LRRC8C: variants seen among roughly 807,000 people sequenced by gnomAD.
The protein encoded by LRRC8C is volume-regulated anion channel subunit LRRC8C.
A neutral mutation model predicts 55.3 loss-of-function variants in LRRC8C; 20 were observed. That is an observed-to-expected ratio of 0.36 (90% CI 0.25 to 0.53). The LOEUF is 0.53. Ranked by LOEUF, LRRC8C falls within the 20% of genes least tolerant of loss-of-function variation. The pLI is 0.92. For synonymous variants in LRRC8C, 376 were observed against 360.7 expected, an observed-to-expected ratio of 1.04 and a Z score of -0.48; for missense variants, 659 against 951.4, an observed-to-expected ratio of 0.69 and a Z score of 4.04.
At chr1:89,619,126 C>T in the LRRC8C span, among the ~76,000 whole-genome samples, 4 of 152,122 alleles carry the variant, frequency 2.6e-5, no homozygotes, top group Non-Finnish European at 5.9e-5. Flanking sequence ...TTCCTGCATG[C>T]GATTTCAGTA....
chr1:89,660,315 A>T (rs1359109846), intron 1 of LRRC8C, among the ~76,000 whole-genome samples: 2 of 152,126 alleles, frequency 1.3e-5, no homozygotes, highest in Non-Finnish European at 2.9e-5. Flanking sequence ...CAGAAGAAAC[A>T]GATGTTTTGG....
chr1:89,630,577 C>G (rs1322164263), upstream of LRRC8C, among the ~76,000 whole-genome samples: 1 of 152,206 alleles, frequency 6.6e-6, no homozygotes, highest in South Asian at 2.1e-4. Flanking sequence ...AGTCTGTGCA[C>G]CCAGTTCATC....
intron 2 of LRRC8C, among the ~76,000 whole-genome samples, chr1:89,707,930 G>C (rs1658529543): frequency 6.6e-6 from 1 of 151,874 alleles, no homozygotes; most frequent in African/African-American, 2.4e-5. Context: ...ATTCTTCTGT[G>C]TCCCTCTCCT....
rs1309085173 is a variant in LRRC8C at position 89,715,945 on chromosome 1, T to A, written c.*963T>A. The A allele has an allele frequency of 2.0e-5, 3 of 152,166 alleles. No individual in the cohort carries two copies. The highest frequency in any genetic ancestry group is 7.2e-5 in the African/African-American group (3 of 41,444). 9.4% of individuals were successfully genotyped at this position (152,166 alleles called of 1,614,324 possible). A position where few individuals can be genotyped will look rare whatever the true frequency, so the allele number is the denominator to read the frequency against. Reference sequence around the variant, plus strand: ...TTTTCTCAGCACAGTGTGGCAGTGGTAATCTATTCAAATTTTGCCTGTTAC... The same window carrying A: ...TTTTCTCAGCACAGTGTGGCAGTGGAAATCTATTCAAATTTTGCCTGTTAC... On this transcript the variant is annotated 3_prime_UTR_variant, in exon 3 of 3. Coordinates refer to ENST00000370454, the MANE Select transcript of LRRC8C (RefSeq NM_032270.5).
chr1:89,695,581 CAGTT>C (rs1382857865), intron 2 of LRRC8C, among the ~76,000 whole-genome samples: 1 of 152,178 alleles, frequency 6.6e-6, no homozygotes, highest in African/African-American at 2.4e-5. Flanking sequence ...ATGATTATAT[CAGTT>C]AGTAGTCACT....
At chr1:89,620,550 G>C in the LRRC8C span, among the ~76,000 whole-genome samples, 1 of 130,322 alleles carries the variant, frequency 7.7e-6, no homozygotes, top group Non-Finnish European at 1.6e-5. Flanking sequence ...TTTGATTAAA[G>C]AACTGCAAAG....
At chr1:89,699,980 G>A (rs1023536306) in intron 2 of LRRC8C, among the ~76,000 whole-genome samples, 3 of 152,152 alleles carry the variant, frequency 2.0e-5, no homozygotes, top group Non-Finnish European at 4.4e-5. Flanking sequence ...AATCTCATGC[G>A]TTTGGACAAC....
rs1410479766 is a variant in LRRC8C, at chr1:89,718,380, C to G, written c.*3398C>G. ...TGTGGAGAGGGTCTTAGACAAAAAT[C>G]TTCCTTGTATTTACTTGGGTTAAGT... On this transcript the variant is annotated 3_prime_UTR_variant, in exon 3 of 3. Transcript: ENST00000370454. 2 of 152,116 alleles carry G rather than the reference C, an allele frequency of 1.3e-5. No individual in the cohort carries two copies. Among genetic ancestry groups the G allele is most frequent in the Non-Finnish European group, 2.9e-5 (2 of 68,002 alleles). The allele number at this position is 152,116 out of a possible 1,614,324, so 9.4% of individuals were successfully genotyped here.
intron 2 of LRRC8C, among the ~76,000 whole-genome samples, chr1:89,707,612 A>G (rs1469294585): frequency 6.6e-6 from 1 of 151,318 alleles, no homozygotes; most frequent in Non-Finnish European, 1.5e-5. Flanking sequence ...TTTCTACAAA[A>G]TGCATTCATA....
rs1557674197 is a variant in LRRC8C at position 89,718,492 on chromosome 1, TC to T, written c.*3515del. On this transcript the variant is annotated 3_prime_UTR_variant, in exon 3 of 3. Coordinates refer to ENST00000370454, the MANE Select transcript of LRRC8C (RefSeq NM_032270.5). ...AATCTTTATATCTCTTATTAACACTTCCCCCAAGAAGGGTTGTGCTGTTATT... is the reference window on the plus strand; with the variant it reads ...AATCTTTATATCTCTTATTAACACTTCCCCAAGAAGGGTTGTGCTGTTATT... 2 of 152,252 alleles carry T rather than the reference TC, an allele frequency of 1.3e-5. No homozygotes were observed. Among genetic ancestry groups the T allele is most frequent in the Admixed American group, 6.5e-5 (1 of 15,286 alleles). The allele number at this position is 152,252 out of a possible 1,614,324, so 9.4% of individuals were successfully genotyped here.
chr1:89,682,967 C>G (rs904011166), intron 1 of LRRC8C, among the ~76,000 whole-genome samples: 4 of 152,104 alleles, frequency 2.6e-5, no homozygotes, highest in Non-Finnish European at 1.5e-5. Flanking sequence ...GCATATATAT[C>G]CTCAAAATGA....
the LRRC8C span, among the ~76,000 whole-genome samples, chr1:89,617,329 G>A: frequency 3.1e-4 from 47 of 152,216 alleles, no homozygotes; most frequent in Non-Finnish European, 2.9e-4. Flanking sequence ...TTAAAACCAC[G>A]GTTCACAATT....
At position 89,645,128 on chromosome 1, in the gene LRRC8C, A is replaced by G. The variant is rs1176544635; in HGVS notation, c.-5+11806A>G. On this transcript the variant is annotated intron_variant, in intron 1 of 2. Transcript: ENST00000370454. Reference sequence around the variant, plus strand: ...AATAATAAATTTTAAAACTGCTATTATAGTATTGTGAAAAGAAAATATAGT... The same window carrying G: ...AATAATAAATTTTAAAACTGCTATTGTAGTATTGTGAAAAGAAAATATAGT... Among the ~76,000 whole-genome samples the G allele has an allele frequency of 3.9e-5, 6 of 152,248 alleles. No individual in the cohort carries two copies. The South Asian group carries it at 8.3e-4, about 21-fold the overall frequency.
At chr1:89,620,902 C>G in the LRRC8C span, among the ~76,000 whole-genome samples, 1 of 152,192 alleles carries the variant, frequency 6.6e-6, no homozygotes, top group Non-Finnish European at 1.5e-5. Flanking sequence ...AAGACCATGA[C>G]GACTCCTCAT....
intron 2 of LRRC8C, among the ~76,000 whole-genome samples, chr1:89,708,340 G>C (rs1658546984): frequency 6.6e-6 from 1 of 152,192 alleles, no homozygotes; most frequent in Non-Finnish European, 1.5e-5. Context: ...TCTTAGTCCT[G>C]TACCAACAGC....
At chr1:89,693,712 C>T (rs939756485) in intron 2 of LRRC8C, among the ~76,000 whole-genome samples, 1 of 120,970 alleles carries the variant, frequency 8.3e-6, no homozygotes, top group Non-Finnish European at 1.6e-5. Context: ...GGCTGGAGTG[C>T]AGAGGCGCGG....
At chr1:89,700,963 C>T (rs1484369942) in intron 2 of LRRC8C, among the ~76,000 whole-genome samples, 2 of 152,188 alleles carry the variant, frequency 1.3e-5, no homozygotes, top group Non-Finnish European at 2.9e-5. Flanking sequence ...TTCTTACTTC[C>T]TCTTCCTATA....
chr1:89,644,331 C>T (rs905376239), intron 1 of LRRC8C, among the ~76,000 whole-genome samples: 6 of 152,184 alleles, frequency 3.9e-5, no homozygotes, highest in Admixed American at 1.3e-4. Context: ...CGTGCCACCG[C>T]ACCCGGCTAA....
chr1:89,655,414 T>TA (rs1656915257), intron 1 of LRRC8C, among the ~76,000 whole-genome samples: 1 of 152,236 alleles, frequency 6.6e-6, no homozygotes, highest in African/African-American at 2.4e-5. Context: ...GTATTTGTCT[T>TA]ATTTATATCT....
Sources: allele counts gnomAD v4.1 joint callset (sites outside exome capture counted in the v4.1 genomes callset), GRCh38; gene constraint gnomAD v4.1.1; transcripts MANE v1.5; gene names NCBI Gene and HGNC (gene_info 2026-07-23, HGNC 2026-07-21).